TMEM267: variants seen among roughly 807,000 people sequenced by gnomAD.
TMEM267 encodes transmembrane protein C5orf28.
A neutral mutation model predicts 19.3 loss-of-function variants in TMEM267; 20 were observed. The ratio of observed to expected loss-of-function variants is 1.04; its 90% confidence interval spans 0.73 to 1.51. The LOEUF (loss-of-function observed/expected upper bound fraction) is 1.51, where lower values mean the gene tolerates loss of function less well. Ranked by LOEUF, TMEM267 falls within the 40% of genes most tolerant of loss-of-function variation. TMEM267 has a pLI of 0.00. For synonymous variants in TMEM267, 88 were observed against 90.3 expected, an observed-to-expected ratio of 0.97 and a Z score of 0.15; for missense variants, 242 against 261.9, an observed-to-expected ratio of 0.92 and a Z score of 0.52.
rs557631581 is a variant in TMEM267, at chr5:43,444,962, G to T, written c.*1260C>A. The stretch of plus-strand genomic sequence containing the variant: ...TTTAACTTAATATACAAGAAAATCT[G>T]CTGTGGATAAGGCATTGCTTTATGA... On this transcript the variant is annotated 3_prime_UTR_variant, in exon 3 of 3. Transcript: ENST00000397080. The T allele has an allele frequency of 1.3e-5, 2 of 152,094 alleles. No individual in the cohort carries two copies. Among genetic ancestry groups the T allele is most frequent in the African/African-American group, 4.8e-5 (2 of 41,418 alleles). The allele number at this position is 152,094 out of a possible 1,614,324, so 9.4% of individuals were successfully genotyped here.
chr5:43,482,118 C>T (rs562055452), intron 1 of TMEM267, among the ~76,000 whole-genome samples: 15 of 152,336 alleles, frequency 9.8e-5, no homozygotes, highest in African/African-American at 3.6e-4. Flanking sequence ...GCTGGGATTA[C>T]GGGCGTGAGC....
chr5:43,457,484 A>G (rs1743019971), intron 1 of TMEM267, among the ~76,000 whole-genome samples: 1 of 152,202 alleles, frequency 6.6e-6, no homozygotes, highest in Non-Finnish European at 1.5e-5. Flanking sequence ...TCATGGTGGA[A>G]GGTAAAGAGG....
intron 1 of TMEM267, among the ~76,000 whole-genome samples, chr5:43,473,319 T>C (rs1579825310): frequency 2.0e-5 from 3 of 152,086 alleles, no homozygotes; most frequent in Non-Finnish European, 4.4e-5. Flanking sequence ...TCAAATTGTC[T>C]CTGTTTGCAG....
chr5:43,466,380 A>G (rs1050360167), intron 1 of TMEM267, among the ~76,000 whole-genome samples: 1 of 152,240 alleles, frequency 6.6e-6, no homozygotes, highest in African/African-American at 2.4e-5. Flanking sequence ...AAAAACTTTT[A>G]TCTTAGAATA....
chr5:43,456,021 T>C (rs1291036209), intron 1 of TMEM267, among the ~76,000 whole-genome samples: 1 of 150,246 alleles, frequency 6.7e-6, no homozygotes, highest in Admixed American at 6.6e-5. Context: ...AGAGACAAGG[T>C]CTCCCTGTCT....
intron 2 of TMEM267, among the ~76,000 whole-genome samples, chr5:43,451,604 G>C (rs1365877963): frequency 6.6e-6 from 1 of 152,130 alleles, no homozygotes; most frequent in African/African-American, 2.4e-5. Context: ...ACCAACAGAT[G>C]TTGGCAAGGA....
At chr5:43,481,046 C>T (rs1255748791) in intron 1 of TMEM267, among the ~76,000 whole-genome samples, 2 of 150,668 alleles carry the variant, frequency 1.3e-5, no homozygotes. Flanking sequence ...CTTCGTGATC[C>T]GCCCGCCTCG....
chr5:43,475,915 C>T (rs1744394273), intron 1 of TMEM267, among the ~76,000 whole-genome samples: 1 of 152,182 alleles, frequency 6.6e-6, no homozygotes, highest in African/African-American at 2.4e-5. Flanking sequence ...GCTCTAATGG[C>T]TTTGTACTGT....
intron 2 of TMEM267, among the ~76,000 whole-genome samples, chr5:43,449,279 A>T (rs1742437905): frequency 6.6e-6 from 1 of 152,160 alleles, no homozygotes; most frequent in African/African-American, 2.4e-5. Flanking sequence ...CTCAAGAAAG[A>T]AAAGAAAAAA....
intron 1 of TMEM267, among the ~76,000 whole-genome samples, chr5:43,457,171 T>C (rs921777611): frequency 6.6e-6 from 1 of 152,184 alleles, no homozygotes; most frequent in Non-Finnish European, 1.5e-5. Flanking sequence ...ATATAAAGTA[T>C]GGACTTTAGT....
intron 1 of TMEM267, among the ~76,000 whole-genome samples, chr5:43,460,187 G>C (rs1257205327): frequency 6.6e-6 from 1 of 152,160 alleles, no homozygotes; most frequent in Non-Finnish European, 1.5e-5. Context: ...GTCAGTGATG[G>C]AGAGTGGCTG....
intron 1 of TMEM267, among the ~76,000 whole-genome samples, chr5:43,476,605 T>C (rs973954442): frequency 1.5e-5 from 2 of 136,588 alleles, no homozygotes; most frequent in Non-Finnish European, 3.1e-5. Context: ...GCAATTTTAA[T>C]CAAAATCATA....
intron 2 of TMEM267, among the ~76,000 whole-genome samples, chr5:43,452,229 T>C (rs1434850813): frequency 6.6e-6 from 1 of 152,172 alleles, no homozygotes; most frequent in African/African-American, 2.4e-5. Context: ...TAAAATGTGA[T>C]TGATATATAA....
intron 1 of TMEM267, among the ~76,000 whole-genome samples, chr5:43,478,730 C>T (rs1744579542): frequency 6.6e-6 from 1 of 151,904 alleles, no homozygotes; most frequent in African/African-American, 2.4e-5. Flanking sequence ...CATAAAAAGA[C>T]AATTTGGAAA....
Position 43,446,220 on chromosome 5 carries a change from C to A in TMEM267, c.*2G>T. On this transcript the variant is annotated 3_prime_UTR_variant, in exon 3 of 3. Coordinates refer to ENST00000397080, the MANE Select transcript of TMEM267 (RefSeq NM_022483.5). ...TTTGCTTCTCTAAGACTGCCGTGTACCTCAGACATCAATACGAACTCCATG... is the reference window on the plus strand; with the variant it reads ...TTTGCTTCTCTAAGACTGCCGTGTAACTCAGACATCAATACGAACTCCATG... 1 of 1,597,152 alleles carries A rather than the reference C, an allele frequency of 6.3e-7. No individual in the cohort carries two copies. Among genetic ancestry groups the A allele is most frequent in the Non-Finnish European group, 8.6e-7 (1 of 1,166,140 alleles).
intron 1 of TMEM267, among the ~76,000 whole-genome samples, chr5:43,459,059 C>G (rs1743110055): frequency 6.6e-6 from 1 of 151,766 alleles, no homozygotes; most frequent in Non-Finnish European, 1.5e-5. Flanking sequence ...CCCTAAATGT[C>G]AGAATACTGT....
chr5:43,482,282 C>A (rs1744833505), intron 1 of TMEM267, among the ~76,000 whole-genome samples: 3 of 151,152 alleles, frequency 2.0e-5, no homozygotes, highest in Non-Finnish European at 4.5e-5. Flanking sequence ...TATTCTACTC[C>A]AACTTTTGGT....
intron 1 of TMEM267, among the ~76,000 whole-genome samples, chr5:43,468,817 G>C (rs922583692): frequency 2.6e-5 from 4 of 152,156 alleles, no homozygotes; most frequent in African/African-American, 9.7e-5. Flanking sequence ...CTCAGGGATA[G>C]ACTATACAAA....
At chr5:43,455,444 C>CA (rs1482183362) in intron 1 of TMEM267, among the ~76,000 whole-genome samples, 1 of 151,538 alleles carries the variant, frequency 6.6e-6, no homozygotes, top group Non-Finnish European at 1.5e-5. Context: ...CTACAGTAAT[C>CA]AAAACAGTGT....
Sources: gnomAD v4.1 joint callset for allele counts (sites outside exome capture counted in the v4.1 genomes callset) on GRCh38, gnomAD v4.1.1 for gene constraint, MANE v1.5 for transcripts, NCBI Gene and HGNC (gene_info 2026-07-23, HGNC 2026-07-21) for gene names.